DIP2B: variants seen among roughly 807,000 people sequenced by gnomAD.
DIP2B encodes disco-interacting protein 2 homolog B.
Under a neutral mutation model 198.0 loss-of-function variants are expected in DIP2B, and 76 were observed. The observed-to-expected ratio is 0.38, with a 90% CI of 0.32 to 0.46. DIP2B has a LOEUF of 0.46. Ranked by LOEUF, DIP2B falls within the 20% of genes least tolerant of loss-of-function variation. The probability of loss-of-function intolerance (pLI) is 0.99; values close to 1 mark genes in which losing one functional copy is unlikely to be tolerated. For missense variants in DIP2B, 1,559 were observed against 1,978.4 expected, an observed-to-expected ratio of 0.79 and a Z score of 4.02; for synonymous variants, 701 against 739.1, an observed-to-expected ratio of 0.95 and a Z score of 0.84.
chr12:50,605,037 A>G (rs1472662862), intron 1 of DIP2B, among the ~76,000 whole-genome samples: 2 of 152,138 alleles, frequency 1.3e-5, no homozygotes, highest in Non-Finnish European at 2.9e-5. Flanking sequence ...ATTCTTATAA[A>G]TGACTTGAAG....
intron 1 of DIP2B, among the ~76,000 whole-genome samples, chr12:50,593,623 G>T (rs1454276681): frequency 6.7e-6 from 1 of 150,258 alleles, no homozygotes; most frequent in Non-Finnish European, 1.5e-5. Flanking sequence ...AATCACCTAA[G>T]GCCACAAGTA....
At chr12:50,525,346 A>G (rs1958153327) in intron 1 of DIP2B, among the ~76,000 whole-genome samples, 1 of 105,366 alleles carries the variant, frequency 9.5e-6, no homozygotes. Context: ...CGACAGAGCG[A>G]GACTCCATCT....
At chr12:50,659,598 T>G (rs542684618) in intron 3 of DIP2B, among the ~76,000 whole-genome samples, 1 of 152,206 alleles carries the variant, frequency 6.6e-6, no homozygotes, top group Middle Eastern at 3.4e-3. Context: ...GTGTTAATTT[T>G]GAGATTCCTA....
In DIP2B at chr12:50,593,303, G is replaced by A. The variant is rs143645241; in HGVS notation, c.101-32673G>A. Among the ~76,000 whole-genome samples, 462 of 152,134 alleles carry A rather than the reference G, an allele frequency of 3.0e-3. 4 individuals are homozygous for A. The highest frequency in any genetic ancestry group is 0.01 in the African/African-American group (431 of 41,488). ...GGGCGGATCACGAGGTCAAGAGATC[G>A]AGACCATCCTGGCCAACATGGTGAA... On this transcript the variant is annotated intron_variant, in intron 1 of 37. Transcript: ENST00000301180.
Position 50,520,107 on chromosome 12 carries a change from G to A in DIP2B, c.100+14867G>A, listed in dbSNP as rs547945214. 5.1e-5 allele frequency among the ~76,000 whole-genome samples: 7 copies of A among 138,516 alleles called. No individual in the cohort carries two copies. In the East Asian group the frequency reaches 8.5e-4, roughly 17 times the overall value. 90.9% of individuals were successfully genotyped at this position (138,516 alleles called of 152,430 possible). A position where few individuals can be genotyped will look rare whatever the true frequency, so the allele number is the denominator to read the frequency against. On this transcript the variant is annotated intron_variant, in intron 1 of 37. Coordinates refer to ENST00000301180, the MANE Select transcript of DIP2B (RefSeq NM_173602.3). Reference sequence around the variant, plus strand: ...GGCTGGAGTGCAGTGACATGATCTCGGCTCACTGCAGCCTCCGCCTCCTGG... The same window carrying A: ...GGCTGGAGTGCAGTGACATGATCTCAGCTCACTGCAGCCTCCGCCTCCTGG...
intron 4 of DIP2B, among the ~76,000 whole-genome samples, chr12:50,663,153 G>A (rs560176001): frequency 3.8e-4 from 57 of 150,976 alleles, no homozygotes; most frequent in African/African-American, 1.3e-3. Flanking sequence ...GGTGCCGGGC[G>A]CAGTGGCTCA....
At chr12:50,590,472 C>A (rs573541878) in intron 1 of DIP2B, among the ~76,000 whole-genome samples, 7 of 152,148 alleles carry the variant, frequency 4.6e-5, no homozygotes, top group African/African-American at 1.4e-4. Context: ...GGGGTTCAAG[C>A]AATTCTCTTG....
intron 3 of DIP2B, among the ~76,000 whole-genome samples, chr12:50,646,201 G>A (rs1269274348): frequency 6.6e-6 from 1 of 151,906 alleles, no homozygotes; most frequent in Non-Finnish European, 1.5e-5. Flanking sequence ...TCAGCTCACT[G>A]CAACCTCCGC....
At chr12:50,537,670 G>C (rs1958283053) in intron 1 of DIP2B, among the ~76,000 whole-genome samples, 1 of 152,122 alleles carries the variant, frequency 6.6e-6, no homozygotes, top group Non-Finnish European at 1.5e-5. Context: ...AGGTGAATCA[G>C]ATCTTTGAAA....
At chr12:50,590,038 C>T (rs1345766370) in intron 1 of DIP2B, among the ~76,000 whole-genome samples, 6 of 152,134 alleles carry the variant, frequency 3.9e-5, no homozygotes, top group Non-Finnish European at 4.4e-5. Context: ...CTTACTTTCT[C>T]AGGCTGGAGT....
At chr12:50,576,885 C>A (rs956256660) in intron 1 of DIP2B, among the ~76,000 whole-genome samples, 1 of 149,416 alleles carries the variant, frequency 6.7e-6, no homozygotes, top group Admixed American at 6.7e-5. Context: ...TTTTTTGATA[C>A]GGAGTTTCGG....
At chr12:50,510,400 A>C (rs1012615262) in intron 1 of DIP2B, among the ~76,000 whole-genome samples, 4 of 152,204 alleles carry the variant, frequency 2.6e-5, no homozygotes, top group African/African-American at 9.7e-5. Flanking sequence ...TAAATCATTA[A>C]TATGTCACGC....
At chr12:50,715,236 G>A (rs1038719294) in intron 23 of DIP2B, among the ~76,000 whole-genome samples, 3 of 152,066 alleles carry the variant, frequency 2.0e-5, no homozygotes, top group Admixed American at 1.3e-4. Flanking sequence ...TCATAGATAC[G>A]CTACAGAACA....
intron 2 of DIP2B, among the ~76,000 whole-genome samples, chr12:50,635,810 T>TACACAAATAAGCAGGATTTTTAGGTAAAC (rs1938150119): frequency 6.6e-6 from 1 of 152,244 alleles, no homozygotes; most frequent in South Asian, 2.1e-4. Flanking sequence ...GAATTGGAGA[T>TACACAAATAAGCAGGATTTTTAGGTAAAC]ACACAAATAA....
chr12:50,682,333 G>A (rs945099682), intron 9 of DIP2B, among the ~76,000 whole-genome samples: 2 of 152,140 alleles, frequency 1.3e-5, no homozygotes, highest in Non-Finnish European at 2.9e-5. Context: ...GAATTAAAGA[G>A]TAAGAAAACT....
intron 20 of DIP2B, 73 bp downstream of exon 20, chr12:50,704,293 A>G: frequency 6.9e-7 from 1 of 1,453,542 alleles, no homozygotes; most frequent in Non-Finnish European, 9.5e-7. Flanking sequence ...AGAACAGAAC[A>G]AATTCTGATT....
At chr12:50,540,104 A>T (rs1320613800) in intron 1 of DIP2B, among the ~76,000 whole-genome samples, 8 of 35,702 alleles carry the variant, frequency 2.2e-4, no homozygotes, top group Admixed American at 3.2e-4. Flanking sequence ...TATCATAGCT[A>T]TGAACATTTT....
chr12:50,659,261 A>G (rs1281885097), intron 3 of DIP2B, among the ~76,000 whole-genome samples: 1 of 152,160 alleles, frequency 6.6e-6, no homozygotes, highest in African/African-American at 2.4e-5. Flanking sequence ...AAGTGATTCC[A>G]TTTAGGACCT....
intron 5 of DIP2B, among the ~76,000 whole-genome samples, chr12:50,673,719 G>A (rs894975239): frequency 3.3e-5 from 5 of 152,208 alleles, no homozygotes; most frequent in African/African-American, 1.2e-4. Flanking sequence ...CCAGGAGGTT[G>A]AGGCTGTAGT....
Sources: gnomAD v4.1 joint callset for allele counts (sites outside exome capture counted in the v4.1 genomes callset) on GRCh38, gnomAD v4.1.1 for gene constraint, MANE v1.5 for transcripts, NCBI Gene and HGNC (gene_info 2026-07-23, HGNC 2026-07-21) for gene names.